The following ODF2 variants were observed in gnomAD, a reference collection of about 807,000 sequenced individuals.
ODF2 encodes the protein outer dense fiber of sperm tails 2, also known as outer dense fiber protein 2.
ODF2 carries 47 observed loss-of-function variants against 110.2 expected under a neutral mutation model. The observed-to-expected ratio is 0.43, with a 90% CI of 0.34 to 0.54. The LOEUF (loss-of-function observed/expected upper bound fraction) is 0.54, where lower values mean the gene tolerates loss of function less well. ODF2 is among the 20% of genes least tolerant of loss of function. The pLI, the probability that ODF2 is intolerant of heterozygous loss-of-function variation, is 0.03. For synonymous variants in ODF2, 352 were observed against 397.7 expected (o/e 0.89, Z 1.37); for missense variants, 812 against 1,054.5 (o/e 0.77, Z 3.19).
chr9:128,468,520 C>T (rs1220996523), intron 4 of ODF2, among the ~76,000 whole-genome samples: 1 of 151,960 alleles, frequency 6.6e-6, no homozygotes, highest in Non-Finnish European at 1.5e-5. Context: ...TGTGCCACTA[C>T]ACCCACCTGA....
At position 128,467,427 on chromosome 9, in the gene ODF2, A is replaced by G. The variant is rs536206273; in HGVS notation, c.250-1756A>G. On this transcript the variant is annotated intron_variant, in intron 4 of 20. Coordinates refer to ENST00000604420, the Ensembl canonical transcript of ODF2. ...TCCTATTTTTGTCATTTTAAGTATT[A>G]AAAGTAACTTCTTTTCTTCTAAAAG... 1.9e-4 allele frequency among the ~76,000 whole-genome samples: 29 copies of G among 152,236 alleles called. No homozygotes were observed. In the South Asian group the frequency reaches 4.1e-3, roughly 22 times the overall value.
chr9:128,466,148 A>AC (rs560537404), intron 4 of ODF2, among the ~76,000 whole-genome samples: 82 of 151,270 alleles, frequency 5.4e-4, no homozygotes, highest in African/African-American at 2.0e-3. Context: ...CAAAAAAAAA[A>AC]CAAAAAAAAC....
intron 4 of ODF2, among the ~76,000 whole-genome samples, chr9:128,462,836 G>T (rs558942075): frequency 1.4e-4 from 21 of 151,994 alleles, no homozygotes; most frequent in Non-Finnish European, 2.6e-4. Flanking sequence ...CTCATGATCC[G>T]CCTACCTCAG....
chr9:128,483,843 G>A (rs994002468), intron 10 of ODF2, 95 bp from the exon 11 acceptor site: 48 of 833,374 alleles, frequency 5.8e-5, no homozygotes, highest in Non-Finnish European at 7.4e-5. Flanking sequence ...CTGAGATTGC[G>A]CCACTGCACT....
At chr9:128,461,522 G>C (rs1836448510) in intron 4 of ODF2, 1 of 154,738 alleles carries the variant, frequency 6.5e-6, no homozygotes, top group South Asian at 2.0e-4. Flanking sequence ...AGGTTCAAGT[G>C]ATTCTCCAGC....
At chr9:128,483,446 G>C (rs1218587876) in intron 10 of ODF2, among the ~76,000 whole-genome samples, 1 of 151,908 alleles carries the variant, frequency 6.6e-6, no homozygotes, top group Non-Finnish European at 1.5e-5. Context: ...AGCCAGGTGT[G>C]GTGGCATGCA....
At chr9:128,470,004 A>T (rs1839358309) in intron 5 of ODF2, among the ~76,000 whole-genome samples, 8 of 37,780 alleles carry the variant, frequency 2.1e-4, no homozygotes, top group South Asian at 4.6e-3. Flanking sequence ...AAAAAAAAAA[A>T]AAAAAAAAAA....
At chr9:128,457,169 G>T in intron 1 of ODF2, 1 of 1,491,718 alleles carries the variant, frequency 6.7e-7, no homozygotes, top group East Asian at 2.7e-5. Context: ...AGGTCGCTCA[G>T]CCTCTACTAT....
chr9:128,487,446 G>A (rs1843589062), intron 13 of ODF2, among the ~76,000 whole-genome samples: 1 of 152,100 alleles, frequency 6.6e-6, no homozygotes, highest in South Asian at 2.1e-4. Context: ...TATATTGAGT[G>A]ATGAGAACGC....
chr9:128,484,868 C>T lies in ODF2; in HGVS notation c.1272C>T (p.His424=), dbSNP rs749309148. 4.3e-5 allele frequency: 70 copies of T among 1,613,792 alleles called. 1 individual carries two copies. In the South Asian group the frequency reaches 6.3e-4, roughly 14 times the overall value. Residue 424 remains histidine (H), a synonymous_variant, in exon 12 of 21, where the codon CAC becomes CAT. Transcript: ENST00000604420. Reference sequence around the variant, plus strand: ...GCGAGGAGTATGCTGAGCAGCTACACGTGCAACTCGCTGACAAGGTCGCAG... The same window carrying T: ...GCGAGGAGTATGCTGAGCAGCTACATGTGCAACTCGCTGACAAGGTCGCAG...
chr9:128,469,636 T>C (rs775077284), intron 5 of ODF2, among the ~76,000 whole-genome samples: 23 of 152,158 alleles, frequency 1.5e-4, no homozygotes, highest in Non-Finnish European at 2.9e-4. Context: ...GTGGTGTTAC[T>C]GTCCTCATTA....
intron 3 of ODF2, 110 bp from the exon 4 acceptor site, chr9:128,460,832 C>A: frequency 6.5e-7 from 1 of 1,526,902 alleles, no homozygotes; most frequent in South Asian, 1.2e-5. Flanking sequence ...GGAGCAACAG[C>A]AGTAACATTA....
At position 128,484,186 on chromosome 9, in the gene ODF2, TCAGGCCTCAGAGA is replaced by T. The variant is rs530392266; in HGVS notation, c.1104+135_1104+147del. On this transcript the variant is annotated intron_variant, in intron 11 of 20. Coordinates refer to ENST00000604420, the Ensembl canonical transcript of ODF2. ...TCTGAGGCAGCTGATGACAAAATAC[TCAGGCCTCAGAGA>T]CATTCCAGGACAGTGGCAAGAGCAA... 1,531 of 680,082 alleles carry T rather than the reference TCAGGCCTCAGAGA, an allele frequency of 2.3e-3. 3 individuals carry two copies. Among genetic ancestry groups the T allele is most frequent in the Non-Finnish European group, 3.3e-3 (1,260 of 387,152 alleles). 42.1% of individuals were successfully genotyped at this position (680,082 alleles called of 1,614,324 possible).
In ODF2 at chr9:128,494,956, T is replaced by C; in HGVS notation, c.1911+288T>C. 2 of 806,478 alleles carry C rather than the reference T, an allele frequency of 2.5e-6. No homozygotes were observed. Among genetic ancestry groups the C allele is most frequent in the Non-Finnish European group, 3.8e-6 (2 of 533,218 alleles). 50.0% of individuals were successfully genotyped at this position (806,478 alleles called of 1,614,324 possible). Reference sequence around the variant, plus strand: ...TGCCTCTGCCTGTGTGCTCCGCAGCTGTCCTCAGCTCCACACCCACAGCTG... The same window carrying C: ...TGCCTCTGCCTGTGTGCTCCGCAGCCGTCCTCAGCTCCACACCCACAGCTG... On this transcript the variant is annotated intron_variant, in intron 17 of 20. Transcript: ENST00000604420. The surrounding 1 kb of genome is among the most constrained non-coding windows in gnomAD (Gnocchi z 4.6).
chr9:128,469,987 A>C (rs867144175), intron 5 of ODF2, among the ~76,000 whole-genome samples: 307 of 18,226 alleles, frequency 0.017, 2 homozygotes, highest in African/African-American at 0.068. Flanking sequence ...CTGTCTCAAA[A>C]AAAAAAAAAA....
chr9:128,456,992 G>A (rs1835038728), intron 1 of ODF2: 1 of 1,252,052 alleles, frequency 8.0e-7, no homozygotes, highest in East Asian at 4.4e-5. Context: ...CTGGCCCTCT[G>A]GGGCCCACTT....
At chr9:128,486,030 C>G (rs1455857388) in intron 13 of ODF2, among the ~76,000 whole-genome samples, 1 of 151,966 alleles carries the variant, frequency 6.6e-6, no homozygotes, top group Non-Finnish European at 1.5e-5. Context: ...TCCTTTTTTC[C>G]TTCATTTATT....
chr9:128,491,289 C>T (rs1443288750), intron 14 of ODF2, among the ~76,000 whole-genome samples: 2 of 151,954 alleles, frequency 1.3e-5, no homozygotes, highest in African/African-American at 4.8e-5. Flanking sequence ...GTGGTCTGCC[C>T]ACCTTGGCCT....
intron 5 of ODF2, among the ~76,000 whole-genome samples, chr9:128,469,750 T>A (rs1309738971): frequency 6.6e-6 from 1 of 151,308 alleles, no homozygotes. Flanking sequence ...ATCCCAGCAC[T>A]TTGGGAGGCG....
Sources: allele counts gnomAD v4.1 joint callset (sites outside exome capture counted in the v4.1 genomes callset), GRCh38; gene constraint gnomAD v4.1.1; non-coding constraint Gnocchi (gnomAD v3.1); transcripts MANE v1.5; gene names NCBI Gene and HGNC (gene_info 2026-07-23, HGNC 2026-07-21).